The following ESR1 variants were observed in gnomAD, a reference collection of about 807,000 sequenced individuals.
ESR1 encodes estrogen receptor 1.
A neutral mutation model predicts 52.7 loss-of-function variants in ESR1; 12 were observed. The ratio of observed to expected loss-of-function variants is 0.23; its 90% CI spans 0.15 to 0.37. The LOEUF (loss-of-function observed/expected upper bound fraction) is 0.37. ESR1 is among the 10% of genes least tolerant of loss of function. ESR1 has a pLI of 1.00. For missense variants in ESR1, 584 were observed against 779.7 expected (o/e 0.75, Z 2.99); for synonymous variants, 305 against 316.8 (o/e 0.96, Z 0.39).
At chr6:151,686,207 T>G (rs1215326224), upstream of ESR1, among the ~76,000 whole-genome samples, 1 of 152,048 alleles carries the variant, frequency 6.6e-6, no homozygotes, top group Admixed American at 6.6e-5. Context: ...AAAGATAGTT[T>G]TAAAAAAATT....
At chr6:151,659,005 G>A (rs964543167) in intron 1 of ESR1, among the ~76,000 whole-genome samples, 11 of 152,148 alleles carry the variant, frequency 7.2e-5, no homozygotes, top group African/African-American at 2.7e-4. Context: ...ATATGCTAAG[G>A]CAAGTTTTTT....
rs1333468686 is a variant in ESR1 at position 151,933,382 on chromosome 6, C to G, written c.761-10791C>G. On this transcript the variant is annotated intron_variant, in intron 3 of 7. Coordinates refer to ENST00000206249, the MANE Select transcript of ESR1 (RefSeq NM_000125.4). ...GAGACAATGGGGTTTTCTAGATATA[C>G]AATCATGTCGTCTGCAAACAGGGAC... 2.0e-5 allele frequency among the ~76,000 whole-genome samples: 3 copies of G among 151,110 alleles called. No individual in the cohort carries two copies. In the East Asian group the frequency reaches 5.8e-4, roughly 29 times the overall value.
At chr6:152,090,203 T>C (rs1358936581) in intron 6 of ESR1, among the ~76,000 whole-genome samples, 1 of 152,214 alleles carries the variant, frequency 6.6e-6, no homozygotes. Flanking sequence ...CCCGAAAGGC[T>C]GATGTGTGAC....
intron 3 of ESR1, among the ~76,000 whole-genome samples, chr6:151,932,647 G>C (rs1186750182): frequency 1.4e-5 from 2 of 146,452 alleles, no homozygotes; most frequent in Non-Finnish European, 3.0e-5. Context: ...GTAAGGAAGG[G>C]ATCCAGTTTC....
intron 1 of ESR1, among the ~76,000 whole-genome samples, chr6:151,822,306 C>T (rs947402188): frequency 7.9e-5 from 12 of 152,142 alleles, no homozygotes; most frequent in African/African-American, 2.9e-4. Flanking sequence ...GATTGTCCTT[C>T]ACATTTCTTT....
chr6:151,664,077 T>C (rs1229075623), intron 1 of ESR1, among the ~76,000 whole-genome samples: 2 of 152,216 alleles, frequency 1.3e-5, no homozygotes, highest in African/African-American at 2.4e-5. Flanking sequence ...CCATCCCAGG[T>C]ACATCACATT....
Position 152,094,451 on chromosome 6 carries a change from T to C in ESR1, c.1436T>C (p.Leu479Pro). 1 of 1,614,010 alleles carries C rather than the reference T, an allele frequency of 6.2e-7. No homozygotes were observed. Among genetic ancestry groups the C allele is most frequent in the Non-Finnish European group, 8.5e-7 (1 of 1,179,980 alleles). The change falls in exon 7 of 8, where the codon CTG becomes CCG. Residue 479 changes from leucine to proline, a missense_variant. Leu to Pro is a moderately conservative substitution (Grantham distance 98). Transcript: ENST00000206249. This position sits in a 1 kb window ranked among gnomAD's most constrained non-coding sequence, Gnocchi z 4.6. The part of the protein sequence containing the change: ...LEEKDHIHRV[L>P]DKITDTLIHL... Reference sequence around the variant, plus strand: ...GAGAAGGACCATATCCACCGAGTCCTGGACAAGATCACAGACACTTTGATC... The same window carrying C: ...GAGAAGGACCATATCCACCGAGTCCCGGACAAGATCACAGACACTTTGATC...
In ESR1 at chr6:151,707,693, G is replaced by A. The variant is rs948362779; in HGVS notation, c.-71+5688G>A. Among the ~76,000 whole-genome samples the A allele has an allele frequency of 4.6e-5, 7 of 152,084 alleles. No homozygotes were observed. The South Asian group carries it at 1.2e-3, about 27-fold the overall frequency. On this transcript the variant is annotated intron_variant, in intron 2 of 2. Coordinates refer to the ESR1 transcript ENST00000404742. Reference sequence around the variant, plus strand: ...GTCAAGGGGCAAAGTTCTTTATAAAGTCCTTAAGGAGTATTGCCAGATATA... The same window carrying A: ...GTCAAGGGGCAAAGTTCTTTATAAAATCCTTAAGGAGTATTGCCAGATATA...
chr6:151,686,793 T>C (rs1778706784), upstream of ESR1, among the ~76,000 whole-genome samples: 2 of 152,194 alleles, frequency 1.3e-5, no homozygotes, highest in Non-Finnish European at 2.9e-5. Flanking sequence ...TACACTATTC[T>C]GATGGGAAAG....
At chr6:151,868,265 C>T (rs139201973) in intron 2 of ESR1, among the ~76,000 whole-genome samples, 1 of 152,124 alleles carries the variant, frequency 6.6e-6, no homozygotes, top group East Asian at 1.9e-4. Flanking sequence ...GTAGCTGGGA[C>T]TACAGGCGTA....
At chr6:151,973,192 A>C (rs890849156) in intron 4 of ESR1, among the ~76,000 whole-genome samples, 1 of 152,174 alleles carries the variant, frequency 6.6e-6, no homozygotes, top group Non-Finnish European at 1.5e-5. Flanking sequence ...CAACCAAAAG[A>C]TTATCTCATT....
In ESR1 at chr6:151,764,070, G is replaced by C. The variant is rs567796961; in HGVS notation, c.-70-43773G>C. On this transcript the variant is annotated intron_variant, in intron 2 of 2. Coordinates refer to the ESR1 transcript ENST00000404742. ...CAAAGCGCGGGGGTGTGGCTCTCCT[G>C]TCTCTGGCTTTGCTGTCAACAGGCG... 9.2e-5 allele frequency among the ~76,000 whole-genome samples: 14 copies of C among 152,260 alleles called. No homozygotes were observed. In the South Asian group the frequency reaches 2.9e-3, roughly 32 times the overall value.
chr6:151,665,836 C>T (rs771614814), intron 1 of ESR1, among the ~76,000 whole-genome samples: 12 of 152,268 alleles, frequency 7.9e-5, no homozygotes, highest in Middle Eastern at 3.4e-3. Flanking sequence ...ATTATTACCT[C>T]GAAGAGACAG....
At chr6:152,054,737 G>A (rs904081218) in intron 5 of ESR1, among the ~76,000 whole-genome samples, 2 of 152,114 alleles carry the variant, frequency 1.3e-5, no homozygotes, top group African/African-American at 4.8e-5. Flanking sequence ...TCCCTGAATA[G>A]GTCTTCTCTT....
At chr6:151,953,508 G>T (rs1283811945) in intron 4 of ESR1, among the ~76,000 whole-genome samples, 1 of 152,098 alleles carries the variant, frequency 6.6e-6, no homozygotes, top group African/African-American at 2.4e-5. Flanking sequence ...GGATCACGAG[G>T]TCAAGAGATC....
chr6:151,800,070 A>G (rs559563272), upstream of ESR1, among the ~76,000 whole-genome samples: 1 of 152,318 alleles, frequency 6.6e-6, no homozygotes, highest in South Asian at 2.1e-4. Context: ...GAATGAATGA[A>G]CATGTAAGTA....
chr6:152,113,919 G>A (rs1298381867), intron 6 of ESR1, among the ~76,000 whole-genome samples: 1 of 152,192 alleles, frequency 6.6e-6, no homozygotes, highest in Admixed American at 6.5e-5. Context: ...TGGCTGAGCT[G>A]GGGACTGAGC....
intron 2 of ESR1, among the ~76,000 whole-genome samples, chr6:151,742,534 C>T (rs1386878268): frequency 6.6e-6 from 1 of 152,192 alleles, no homozygotes; most frequent in African/African-American, 2.4e-5. Flanking sequence ...AACTGGCTTG[C>T]TCATGCTCAT....
intron 2 of ESR1, among the ~76,000 whole-genome samples, chr6:151,730,395 T>C (rs1430422168): frequency 6.6e-6 from 1 of 152,048 alleles, no homozygotes; most frequent in Non-Finnish European, 1.5e-5. Flanking sequence ...TTTCTGACCA[T>C]CTTCTACTCT....
Sources: gnomAD v4.1 joint callset for allele counts (sites outside exome capture counted in the v4.1 genomes callset) on GRCh38, gnomAD v4.1.1 for gene constraint, Gnocchi (gnomAD v3.1) non-coding constraint, MANE v1.5 for transcripts, NCBI Gene and HGNC (gene_info 2026-07-23, HGNC 2026-07-21) for gene names.